Variants in MGAT4A observed in about 807,000 individuals in gnomAD.
The protein encoded by MGAT4A is N-acetylglucosaminyltransferase IVa.
In MGAT4A, 33 loss-of-function variants were observed where a neutral mutation model predicts 74.1. That is an observed-to-expected ratio of 0.45 (90% CI 0.34 to 0.60). The LOEUF is 0.60. Among genes scored for constraint, MGAT4A ranks in the 20% least tolerant of loss-of-function variants. The probability of loss-of-function intolerance (pLI) is 0.02; values close to 1 mark genes in which losing one functional copy is unlikely to be tolerated. For synonymous variants in MGAT4A, 198 were observed against 210.4 expected, an observed-to-expected ratio of 0.94 and a Z score of 0.51; for missense variants, 479 against 628.3, an observed-to-expected ratio of 0.76 and a Z score of 2.54.
At chr2:98,697,146 G>T (rs1278994995) in intron 2 of MGAT4A, among the ~76,000 whole-genome samples, 1 of 152,146 alleles carries the variant, frequency 6.6e-6, no homozygotes, top group Non-Finnish European at 1.5e-5. Flanking sequence ...AGAGAGACTA[G>T]ATTTTAGAAG....
chr2:98,729,574 T>C (rs1410878536), intron 1 of MGAT4A, among the ~76,000 whole-genome samples: 1 of 152,240 alleles, frequency 6.6e-6, no homozygotes, highest in Non-Finnish European at 1.5e-5. Context: ...TTGCTAGTCA[T>C]TTCTCCACCC....
chr2:98,668,062 T>C (rs1425690681), intron 4 of MGAT4A, among the ~76,000 whole-genome samples: 2 of 152,236 alleles, frequency 1.3e-5, no homozygotes, highest in African/African-American at 4.8e-5. Context: ...TTTGGAAAAT[T>C]TGCAGCCTGA....
chr2:98,621,323 A>G lies in MGAT4A; in HGVS notation c.*4243T>C, dbSNP rs1428919566. 1 of 1,457,166 alleles carries G rather than the reference A, an allele frequency of 6.9e-7. No individual in the cohort carries two copies. Among genetic ancestry groups the G allele is most frequent in the Non-Finnish European group, 9.1e-7 (1 of 1,096,936 alleles). The allele number at this position is 1,457,166 out of a possible 1,614,324, so 90.3% of individuals were successfully genotyped here. A position where few individuals can be genotyped will look rare whatever the true frequency, so the allele number is the denominator to read the frequency against. Reference sequence around the variant, plus strand: ...ATGAATGAGCTTATGGGCTGAATTCAGTTCCCGTGGCTGTAGGACTGCAGT... The same window carrying G: ...ATGAATGAGCTTATGGGCTGAATTCGGTTCCCGTGGCTGTAGGACTGCAGT... On this transcript the variant is annotated 3_prime_UTR_variant, in exon 16 of 16. Coordinates refer to ENST00000393487, the MANE Select transcript of MGAT4A (RefSeq NM_012214.3).
At chr2:98,648,010 A>G (rs1701519784) in intron 8 of MGAT4A, among the ~76,000 whole-genome samples, 4 of 152,208 alleles carry the variant, frequency 2.6e-5, no homozygotes, top group Admixed American at 2.6e-4. Flanking sequence ...GTCACAGGTA[A>G]AATCTAACCT....
chr2:98,659,340 C>T (rs1036903344), intron 5 of MGAT4A, among the ~76,000 whole-genome samples: 3 of 152,046 alleles, frequency 2.0e-5, no homozygotes, highest in African/African-American at 4.8e-5. Flanking sequence ...ATTATTTCTC[C>T]GGTGTGTGTG....
chr2:98,646,336 T>C (rs1028891502), intron 8 of MGAT4A, among the ~76,000 whole-genome samples: 5 of 152,098 alleles, frequency 3.3e-5, no homozygotes, highest in South Asian at 2.1e-4. Context: ...TGAAGAGGAA[T>C]AGCACTCCTC....
chr2:98,726,029 GA>G (rs1460377748), intron 2 of MGAT4A: 9 of 474,030 alleles, frequency 1.9e-5, no homozygotes, highest in Non-Finnish European at 3.4e-5. Context: ...ACAATTATAA[GA>G]AACTGAAAAC....
chr2:98,677,609 T>C (rs577837372), intron 3 of MGAT4A, among the ~76,000 whole-genome samples: 3 of 151,890 alleles, frequency 2.0e-5, no homozygotes, highest in Non-Finnish European at 4.4e-5. Context: ...CACACCAACA[T>C]GCCCGGCTAA....
intron 2 of MGAT4A, among the ~76,000 whole-genome samples, chr2:98,713,467 A>G (rs909091962): frequency 2.0e-5 from 3 of 151,228 alleles, no homozygotes; most frequent in African/African-American, 4.8e-5. Context: ...AAAAAAAAAC[A>G]AACAAACCCG....
chr2:98,693,363 A>G lies in MGAT4A; in HGVS notation c.95-14892T>C, dbSNP rs555253200. ...TAAAGGAAGGAATCTTGCAACATCA[A>G]AAGGGAAAAACTGAAAAAGAGAAAA... On this transcript the variant is annotated intron_variant, in intron 2 of 15. Transcript: ENST00000393487. Among the ~76,000 whole-genome samples, 69 of 152,354 alleles carry G rather than the reference A, an allele frequency of 4.5e-4. 2 individuals are homozygous for G. The South Asian group carries it at 0.014, about 31-fold the overall frequency.
At chr2:98,721,279 A>C (rs1485292236) in intron 2 of MGAT4A, among the ~76,000 whole-genome samples, 1 of 152,224 alleles carries the variant, frequency 6.6e-6, no homozygotes, top group Non-Finnish European at 1.5e-5. Flanking sequence ...GCCTTATAAG[A>C]AACACTAAGG....
chr2:98,669,809 A>C (rs757497483), intron 4 of MGAT4A, among the ~76,000 whole-genome samples: 1 of 152,150 alleles, frequency 6.6e-6, no homozygotes, highest in Non-Finnish European at 1.5e-5. Context: ...GGATATAATT[A>C]TTAATAGCCC....
chr2:98,629,510 T>C (rs952610054), intron 14 of MGAT4A, among the ~76,000 whole-genome samples: 4 of 152,192 alleles, frequency 2.6e-5, no homozygotes, highest in East Asian at 1.9e-4. Flanking sequence ...CAATGTGACA[T>C]TGAATACTGT....
intron 2 of MGAT4A, among the ~76,000 whole-genome samples, chr2:98,687,526 C>T (rs968865871): frequency 1.3e-5 from 2 of 152,054 alleles, no homozygotes; most frequent in Non-Finnish European, 2.9e-5. Context: ...TCTCACTTTC[C>T]TTTTGCTCAT....
In MGAT4A at chr2:98,619,587, A is replaced by T. The variant is rs1052180703; in HGVS notation, c.*5979T>A. On this transcript the variant is annotated 3_prime_UTR_variant, in exon 16 of 16. Coordinates refer to ENST00000393487, the MANE Select transcript of MGAT4A (RefSeq NM_012214.3). ...TAGAAAACATTACTGCCTACACTGAAATGAAAAGTATCAAATCTACTGGCA... is the reference window on the plus strand; with the variant it reads ...TAGAAAACATTACTGCCTACACTGATATGAAAAGTATCAAATCTACTGGCA... The T allele has an allele frequency of 6.6e-6, 1 of 152,204 alleles. No homozygotes were observed. The highest frequency in any genetic ancestry group is 2.4e-5 in the African/African-American group (1 of 41,456). The allele number at this position is 152,204 out of a possible 1,614,324, so 9.4% of individuals were successfully genotyped here.
At chr2:98,631,033 G>A (rs917512554) in intron 14 of MGAT4A, among the ~76,000 whole-genome samples, 10 of 151,816 alleles carry the variant, frequency 6.6e-5, no homozygotes, top group African/African-American at 7.2e-5. Flanking sequence ...GCTCCCCTCC[G>A]CCCGCCATGC....
At chr2:98,680,053 T>TTTTTTC (rs1307941082) in intron 2 of MGAT4A, among the ~76,000 whole-genome samples, 2 of 151,308 alleles carry the variant, frequency 1.3e-5, no homozygotes, top group Admixed American at 6.6e-5. Flanking sequence ...TTTTTTTTTT[T>TTTTTTC]TTTCTGAGAC....
At chr2:98,677,999 G>T (rs932092634) in intron 3 of MGAT4A, among the ~76,000 whole-genome samples, 1 of 151,000 alleles carries the variant, frequency 6.6e-6, no homozygotes, top group African/African-American at 2.4e-5. Flanking sequence ...GGGAGGCTGA[G>T]GGGGTGGATC....
Position 98,630,518 on chromosome 2 carries a change from G to C in MGAT4A, c.1469-4683C>G, listed in dbSNP as rs182947704. 3.3e-3 allele frequency among the ~76,000 whole-genome samples: 496 copies of C among 152,238 alleles called. 3 individuals carry two copies. Among genetic ancestry groups the C allele is most frequent in the African/African-American group, 0.011 (473 of 41,532 alleles). ...GGGGAAGAGAAGAGAAGCTATTAGG[G>C]ACGGACAGCTGAATTGGCACATCTT... is the stretch of plus-strand genomic sequence containing the variant. On this transcript the variant is annotated intron_variant, in intron 14 of 15. Coordinates refer to ENST00000393487, the MANE Select transcript of MGAT4A (RefSeq NM_012214.3).
Sources: allele counts gnomAD v4.1 joint callset (sites outside exome capture counted in the v4.1 genomes callset), GRCh38; gene constraint gnomAD v4.1.1; transcripts MANE v1.5; gene names NCBI Gene and HGNC (gene_info 2026-07-23, HGNC 2026-07-21).